Variants in KDM6A observed in about 807,000 individuals in gnomAD.
KDM6A encodes the protein lysine-specific demethylase 6A.
KDM6A carries 11 observed loss-of-function variants against 117.6 expected under a neutral mutation model. That is an observed-to-expected ratio of 0.09 (90% confidence interval 0.06 to 0.15). KDM6A has a LOEUF of 0.15. Ranked by LOEUF, KDM6A falls within the 10% of genes least tolerant of loss-of-function variation. KDM6A has a pLI of 1.00. For synonymous variants in KDM6A, 384 were observed against 396.1 expected, an observed-to-expected ratio of 0.97 and a Z score of 0.36; for missense variants, 799 against 1,077.3, an observed-to-expected ratio of 0.74 and a Z score of 3.62.
chrX:44,923,738 T>C (rs370762094), intron 2 of KDM6A, among the ~76,000 whole-genome samples: 46 of 106,615 alleles, frequency 4.3e-4, no homozygotes, highest in East Asian at 2.5e-3. Context: ...TTGATTGATT[T>C]AAGACAGTCA....
chrX:44,938,690 A>G (rs1297374753), intron 2 of KDM6A, among the ~76,000 whole-genome samples: 1 of 112,483 alleles, frequency 8.9e-6, no homozygotes, highest in Non-Finnish European at 1.9e-5. Flanking sequence ...AGAAGATGCC[A>G]TGTAGGACTT....
At chrX:45,047,674 C>CT (rs78749806) in intron 8 of KDM6A, among the ~76,000 whole-genome samples, 963 of 36,284 alleles carry the variant, frequency 0.027, 265 homozygotes, top group Non-Finnish European at 0.04. Flanking sequence ...CTTTTTTTTT[C>CT]TTTTTTTTTT....
Position 45,103,924 on chromosome X carries a change from T to A in KDM6A, c.4035-3486T>A, listed in dbSNP as rs139832794. Among the ~76,000 whole-genome samples, 733 of 112,729 alleles carry A rather than the reference T, an allele frequency of 6.5e-3. 3 individuals carry two copies. Among genetic ancestry groups the A allele is most frequent in the South Asian group, 0.037 (101 of 2,737 alleles). On this transcript the variant is annotated intron_variant, in intron 27 of 29. Coordinates refer to ENST00000611820, the MANE Select transcript of KDM6A (RefSeq NM_001291415.2). ...CTAGCTGTTGAAATCATTTTTGACC[T>A]TGTTTCTAAAGTACACGTATGCAAA...
At chrX:44,966,810 A>C (rs2039036371) in intron 3 of KDM6A, among the ~76,000 whole-genome samples, 1 of 109,770 alleles carries the variant, frequency 9.1e-6, no homozygotes, top group Admixed American at 9.7e-5. Flanking sequence ...TATTTTTTGA[A>C]ATCCTCTTTG....
intron 10 of KDM6A, among the ~76,000 whole-genome samples, chrX:45,054,985 C>T (rs2044010458): frequency 1.8e-5 from 2 of 111,380 alleles, no homozygotes; most frequent in South Asian, 7.5e-4. Flanking sequence ...CTACAATGCG[C>T]AGGACAGTCC....
chrX:44,876,721 T>C (rs187091742), intron 2 of KDM6A, among the ~76,000 whole-genome samples: 2 of 106,335 alleles, frequency 1.9e-5, no homozygotes, highest in East Asian at 6.1e-4. Flanking sequence ...AAAATTCTTA[T>C]TCCTATGTAT....
intron 2 of KDM6A, among the ~76,000 whole-genome samples, chrX:44,952,840 G>C (rs993118228): frequency 9.0e-6 from 1 of 110,638 alleles, no homozygotes; most frequent in Admixed American, 9.7e-5. Flanking sequence ...GCAGTGGCGT[G>C]ATCACAGCTC....
chrX:44,993,859 C>T (rs968418548), intron 4 of KDM6A, among the ~76,000 whole-genome samples: 5 of 111,372 alleles, frequency 4.5e-5, no homozygotes, highest in South Asian at 3.7e-4. Context: ...AGTGAGACTC[C>T]GTCTCAAGAA....
At chrX:44,932,954 C>T (rs1198825293) in intron 2 of KDM6A, among the ~76,000 whole-genome samples, 1 of 103,060 alleles carries the variant, frequency 9.7e-6, no homozygotes, top group African/African-American at 3.6e-5. Context: ...ATGGTGTGAT[C>T]TCGGCTCACT....
At chrX:44,982,935 C>T (rs1368842862) in intron 4 of KDM6A, among the ~76,000 whole-genome samples, 2 of 111,660 alleles carry the variant, frequency 1.8e-5, no homozygotes, top group African/African-American at 6.5e-5. Flanking sequence ...TTAAATGTAT[C>T]AGTCTGGAAA....
intron 6 of KDM6A, among the ~76,000 whole-genome samples, chrX:45,026,600 GT>G (rs907567975): frequency 9.2e-6 from 1 of 109,201 alleles, no homozygotes; most frequent in Non-Finnish European, 1.9e-5. Context: ...GGCCAAGCGG[GT>G]GGGTCCCCTG....
intron 2 of KDM6A, among the ~76,000 whole-genome samples, chrX:44,932,474 C>G (rs1409900964): frequency 2.7e-5 from 3 of 111,298 alleles, no homozygotes; most frequent in Non-Finnish European, 5.7e-5. Flanking sequence ...TGGCAGGTTG[C>G]TTATATTTTT....
chrX:45,044,945 A>G (rs1175941113), intron 8 of KDM6A, among the ~76,000 whole-genome samples: 1 of 111,930 alleles, frequency 8.9e-6, no homozygotes, highest in Non-Finnish European at 1.9e-5. Flanking sequence ...GATAAGTGCT[A>G]TAATACTTAT....
intron 2 of KDM6A, among the ~76,000 whole-genome samples, chrX:44,900,106 G>A (rs1278297941): frequency 1.8e-5 from 2 of 112,303 alleles, no homozygotes. Flanking sequence ...GAATGTCACT[G>A]TTATGGTTTG....
chrX:44,989,754 A>G (rs776842546), intron 4 of KDM6A, among the ~76,000 whole-genome samples: 9 of 111,399 alleles, frequency 8.1e-5, no homozygotes, highest in Admixed American at 7.6e-4. Flanking sequence ...TTCAAGATAC[A>G]AGACCTGGTC....
chrX:45,092,052 T>C (rs2045914659), intron 27 of KDM6A, among the ~76,000 whole-genome samples: 1 of 111,270 alleles, frequency 9.0e-6, no homozygotes, highest in Non-Finnish European at 1.9e-5. Flanking sequence ...TAGCGAGTAA[T>C]GTACTACAAA....
intron 4 of KDM6A, among the ~76,000 whole-genome samples, chrX:44,993,829 G>A (rs191379388): frequency 9.0e-6 from 1 of 111,194 alleles, no homozygotes. Flanking sequence ...TCACGCCACC[G>A]CACTCCAGCC....
intron 2 of KDM6A, among the ~76,000 whole-genome samples, chrX:44,890,504 T>C (rs781517134): frequency 1.6e-4 from 18 of 111,322 alleles, no homozygotes; most frequent in Non-Finnish European, 2.6e-4. Flanking sequence ...ACCAGCAATG[T>C]ATCAGTGTTC....
intron 10 of KDM6A, among the ~76,000 whole-genome samples, chrX:45,056,414 CTG>C (rs2147940417): frequency 8.9e-6 from 1 of 111,932 alleles, no homozygotes; most frequent in East Asian, 2.8e-4. Flanking sequence ...GCATTCAGGT[CTG>C]TGTTGAAGAT....
Sources: allele counts gnomAD v4.1 joint callset (sites outside exome capture counted in the v4.1 genomes callset), GRCh38; gene constraint gnomAD v4.1.1; transcripts MANE v1.5; gene names NCBI Gene and HGNC (gene_info 2026-07-23, HGNC 2026-07-21).